Variants in GALNT2 observed in about 807,000 individuals in gnomAD.
The protein encoded by GALNT2 is polypeptide N-acetylgalactosaminyltransferase 2.
In GALNT2, 31 loss-of-function variants were observed where a neutral mutation model predicts 81.4. The observed-to-expected ratio is 0.38, with a 90% CI of 0.29 to 0.51. The LOEUF (loss-of-function observed/expected upper bound fraction) is 0.51. GALNT2 is among the 20% of genes least tolerant of loss of function. GALNT2 has a pLI of 0.87. For missense variants in GALNT2, 629 were observed against 765.7 expected (o/e 0.82, Z 2.11); for synonymous variants, 303 against 287.4 (o/e 1.05, Z -0.55).
At chr1:230,189,614 G>A (rs1048271491) in intron 2 of GALNT2, among the ~76,000 whole-genome samples, 9 of 152,160 alleles carry the variant, frequency 5.9e-5, no homozygotes, top group Non-Finnish European at 2.9e-5. Flanking sequence ...GACTTAATGG[G>A]TTCTGGCATT....
intron 15 of GALNT2, among the ~76,000 whole-genome samples, chr1:230,278,348 C>T (rs953602277): frequency 2.6e-5 from 4 of 152,028 alleles, no homozygotes; most frequent in African/African-American, 9.7e-5. Flanking sequence ...TGGTCTTGAA[C>T]TCCTGGCCTC....
chr1:230,178,322 G>C lies in GALNT2; in HGVS notation c.220+11G>C. 1 of 1,605,338 alleles carries C rather than the reference G, an allele frequency of 6.2e-7. No homozygotes were observed. Among genetic ancestry groups the C allele is most frequent in the Non-Finnish European group, 8.5e-7 (1 of 1,172,810 alleles). On this transcript the variant is annotated intron_variant, in intron 2 of 15. Transcript: ENST00000366672. Reference sequence around the variant, plus strand: ...AGACCCTCCCTCCAGGTACTGCCAGGGGCCAGGAAGCCATCTTGCTTTGAG... The same window carrying C: ...AGACCCTCCCTCCAGGTACTGCCAGCGGCCAGGAAGCCATCTTGCTTTGAG...
At chr1:230,126,917 G>T (rs1661201085) in intron 1 of GALNT2, among the ~76,000 whole-genome samples, 1 of 152,158 alleles carries the variant, frequency 6.6e-6, no homozygotes, top group Non-Finnish European at 1.5e-5. Flanking sequence ...GGATTTATGG[G>T]GCTGACATTT....
chr1:230,152,774 C>T (rs1472195256), intron 1 of GALNT2, among the ~76,000 whole-genome samples: 1 of 152,240 alleles, frequency 6.6e-6, no homozygotes, highest in East Asian at 1.9e-4. Context: ...GTAGCTTCCT[C>T]TTTGAACCGC....
At chr1:230,178,828 G>A (rs1014199904) in intron 2 of GALNT2, among the ~76,000 whole-genome samples, 1 of 152,106 alleles carries the variant, frequency 6.6e-6, no homozygotes, top group African/African-American at 2.4e-5. Flanking sequence ...TACACATTCT[G>A]TGGGTTTGGA....
At chr1:230,139,063 G>A (rs1661645686) in intron 1 of GALNT2, among the ~76,000 whole-genome samples, 1 of 152,132 alleles carries the variant, frequency 6.6e-6, no homozygotes, top group South Asian at 2.1e-4. Context: ...TCTGACATGA[G>A]CACTCAGTGT....
At chr1:230,115,453 T>C (rs374341956) in intron 1 of GALNT2, among the ~76,000 whole-genome samples, 15 of 152,362 alleles carry the variant, frequency 9.8e-5, no homozygotes, top group African/African-American at 3.6e-4. Context: ...GTTTACACTG[T>C]ATTGCCGTCT....
chr1:230,261,430 G>A (rs1419266531), intron 11 of GALNT2, among the ~76,000 whole-genome samples: 5 of 152,182 alleles, frequency 3.3e-5, no homozygotes, highest in Non-Finnish European at 7.4e-5. Context: ...ATTTATTTTG[G>A]AAGAACACAG....
intron 1 of GALNT2, among the ~76,000 whole-genome samples, chr1:230,110,574 A>ATT (rs1405193187): frequency 2.0e-5 from 3 of 152,172 alleles, no homozygotes; most frequent in Admixed American, 2.0e-4. Flanking sequence ...ATGTAACCAG[A>ATT]ACACTTAGAA....
chr1:230,126,093 C>G (rs1661167014), intron 1 of GALNT2, among the ~76,000 whole-genome samples: 1 of 152,228 alleles, frequency 6.6e-6, no homozygotes, highest in South Asian at 2.1e-4. Context: ...CCTTTTGGAA[C>G]AGAAACCCTG....
intron 3 of GALNT2, among the ~76,000 whole-genome samples, chr1:230,212,238 C>T (rs1664255112): frequency 6.6e-6 from 1 of 152,174 alleles, no homozygotes; most frequent in Non-Finnish European, 1.5e-5. Context: ...GGCTCCCTTA[C>T]TGTCCGCTCT....
At chr1:230,205,976 T>C (rs1558139563) in intron 3 of GALNT2, among the ~76,000 whole-genome samples, 3 of 152,190 alleles carry the variant, frequency 2.0e-5, no homozygotes. Context: ...GTGTAGCTTT[T>C]AAGAAGGGCT....
In GALNT2 at chr1:230,109,208, A is replaced by C. The variant is rs1407035026; in HGVS notation, c.126+41802A>C. ...GGGAGCTGCGGCTGCGGACCCCCGT[A>C]GATGGGATGCAGCTGCCCAGTGTGG... is the stretch of plus-strand genomic sequence containing the variant. On this transcript the variant is annotated intron_variant, in intron 1 of 15. Transcript: ENST00000366672. Among the ~76,000 whole-genome samples the C allele has an allele frequency of 2.0e-5, 3 of 152,222 alleles. No homozygotes were observed. In the East Asian group the frequency reaches 5.8e-4, roughly 29 times the overall value.
intron 1 of GALNT2, among the ~76,000 whole-genome samples, chr1:230,149,280 C>T (rs957978188): frequency 5.3e-5 from 8 of 152,072 alleles, no homozygotes; most frequent in African/African-American, 1.7e-4. Context: ...TCTCCTGGAG[C>T]GGGTGGGAGG....
At chr1:230,270,200 CAA>C (rs976023043) in intron 14 of GALNT2, among the ~76,000 whole-genome samples, 6 of 151,818 alleles carry the variant, frequency 4.0e-5, no homozygotes, top group Admixed American at 3.9e-4. Context: ...GATTCTGTCT[CAA>C]AAAAATAAAT....
intron 1 of GALNT2, among the ~76,000 whole-genome samples, chr1:230,115,776 G>A (rs1006940745): frequency 6.6e-6 from 1 of 152,216 alleles, no homozygotes; most frequent in African/African-American, 2.4e-5. Flanking sequence ...TTTCAGAATA[G>A]GAGTCAGTTC....
intron 1 of GALNT2, among the ~76,000 whole-genome samples, chr1:230,143,286 C>G (rs997197089): frequency 6.6e-6 from 1 of 152,160 alleles, no homozygotes; most frequent in Admixed American, 6.5e-5. Flanking sequence ...CAGGGGAATC[C>G]GCAGCCTGAG....
Position 230,243,934 on chromosome 1 carries a change from G to A in GALNT2, c.729+507G>A, listed in dbSNP as rs1360481138. On this transcript the variant is annotated intron_variant, in intron 7 of 15. Coordinates refer to ENST00000366672, the MANE Select transcript of GALNT2 (RefSeq NM_004481.5). This position sits in a 1 kb window ranked among gnomAD's most constrained non-coding sequence, Gnocchi z 4.2. Reference sequence around the variant, plus strand: ...GAGGGTTGTGGCTAGGAAGCATACAGGGACCGGTGGGGTTGTCAGAGGGTG... The same window carrying A: ...GAGGGTTGTGGCTAGGAAGCATACAAGGACCGGTGGGGTTGTCAGAGGGTG... Among the ~76,000 whole-genome samples the A allele has an allele frequency of 6.6e-6, 1 of 152,102 alleles. No homozygotes were observed. Among genetic ancestry groups the A allele is most frequent in the East Asian group, 1.9e-4 (1 of 5,142 alleles).
In GALNT2 at chr1:230,279,485, G is replaced by A. The variant is rs1666379383; in HGVS notation, c.*27G>A. ...AGGGTCCGGGAGGCCCTGCCGTCCT[G>A]TCTCCTGCACCATTGGGTGGAGTCT... On this transcript the variant is annotated 3_prime_UTR_variant, in exon 16 of 16. Transcript: ENST00000366672. The surrounding 1 kb of genome is among the most constrained non-coding windows in gnomAD (Gnocchi z 4.6). 6.2e-7 allele frequency: 1 copy of A among 1,609,698 alleles called. No individual in the cohort carries two copies. The highest frequency in any genetic ancestry group is 1.7e-5 in the Admixed American group (1 of 59,720).
Sources: gnomAD v4.1 joint callset for allele counts (sites outside exome capture counted in the v4.1 genomes callset) on GRCh38, gnomAD v4.1.1 for gene constraint, Gnocchi (gnomAD v3.1) non-coding constraint, MANE v1.5 for transcripts, NCBI Gene and HGNC (gene_info 2026-07-23, HGNC 2026-07-21) for gene names.